C10orf90: variants seen among roughly 807,000 people sequenced by gnomAD.
C10orf90 encodes the protein (E2-independent) E3 ubiquitin-conjugating enzyme FATS.
Under a neutral mutation model 62.5 loss-of-function variants are expected in C10orf90, and 56 were observed. The observed-to-expected ratio is 0.90, with a 90% confidence interval of 0.72 to 1.12. The LOEUF is 1.12. C10orf90 is among the 50% of genes most tolerant of loss of function. The pLI, the probability that C10orf90 is intolerant of heterozygous loss-of-function variation, is 0.00. For missense variants in C10orf90, 970 were observed against 880.4 expected (o/e 1.10, Z -1.29); for synonymous variants, 386 against 340.4 (o/e 1.13, Z -1.47).
At chr10:126,442,171 C>A (rs1858374094) in intron 7 of C10orf90, among the ~76,000 whole-genome samples, 2 of 151,780 alleles carry the variant, frequency 1.3e-5, no homozygotes, top group African/African-American at 4.8e-5. Flanking sequence ...TCACCTAAGA[C>A]ATAAGGACTC....
chr10:126,557,491 A>T (rs1470924354), intron 2 of C10orf90, among the ~76,000 whole-genome samples: 1 of 150,886 alleles, frequency 6.6e-6, no homozygotes, highest in Non-Finnish European at 1.5e-5. Context: ...AAAAAAAAAA[A>T]AAAAGTTACC....
In C10orf90 at chr10:126,425,752, G is replaced by T; in HGVS notation, c.*112C>A. On this transcript the variant is annotated 3_prime_UTR_variant, in exon 10 of 10. Transcript: ENST00000488181. ...TTTTCCTTTATGGAAAAAAAAAATCGAAAGTAAAATAAGTGTTTTCCCATG... is the reference window on the plus strand; with the variant it reads ...TTTTCCTTTATGGAAAAAAAAAATCTAAAGTAAAATAAGTGTTTTCCCATG... 2 of 1,151,104 alleles carry T rather than the reference G, an allele frequency of 1.7e-6. No homozygotes were observed. The highest frequency in any genetic ancestry group is 2.4e-6 in the Non-Finnish European group (2 of 828,132). The allele number at this position is 1,151,104 out of a possible 1,614,324, so 71.3% of individuals were successfully genotyped here.
intron 1 of C10orf90, among the ~76,000 whole-genome samples, chr10:126,656,245 A>G (rs1175676269): frequency 6.6e-6 from 1 of 152,198 alleles, no homozygotes; most frequent in East Asian, 1.9e-4. Context: ...AGGCAAAGAA[A>G]TGTTATTCTT....
At chr10:126,647,720 T>C (rs1265937960) in intron 1 of C10orf90, among the ~76,000 whole-genome samples, 1 of 152,268 alleles carries the variant, frequency 6.6e-6, no homozygotes, top group Non-Finnish European at 1.5e-5. Context: ...CTGAAAATTA[T>C]TGAGACTTCA....
At chr10:126,583,922 C>G (rs1332971058) in intron 2 of C10orf90, among the ~76,000 whole-genome samples, 1 of 152,032 alleles carries the variant, frequency 6.6e-6, no homozygotes, top group Non-Finnish European at 1.5e-5. Flanking sequence ...CTGAGACTAG[C>G]CTTGGTGATG....
chr10:126,640,470 C>T (rs1198795766), intron 2 of C10orf90, among the ~76,000 whole-genome samples: 2 of 152,138 alleles, frequency 1.3e-5, no homozygotes, highest in Non-Finnish European at 2.9e-5. Context: ...AACCACTTCT[C>T]CCTGCTGATC....
At chr10:126,439,698 C>T (rs774925414) in intron 7 of C10orf90, among the ~76,000 whole-genome samples, 56 of 152,056 alleles carry the variant, frequency 3.7e-4, no homozygotes, top group Admixed American at 8.5e-4. Context: ...AAGGCATTAA[C>T]AGACAAATTA....
intron 2 of C10orf90, among the ~76,000 whole-genome samples, chr10:126,624,919 A>G (rs1845713277): frequency 6.6e-6 from 1 of 152,208 alleles, no homozygotes. Flanking sequence ...CCAGCAGCCA[A>G]AGATGGACGA....
At position 126,504,049 on chromosome 10, in the gene C10orf90, C is replaced by A. The variant is rs533904646; in HGVS notation, c.1442G>T (p.Arg481Ile). The A allele has an allele frequency of 2.5e-6, 4 of 1,614,122 alleles. No individual in the cohort carries two copies. In the African/African-American group the frequency reaches 5.3e-5, roughly 22 times the overall value. ...AGTTGTATGGTCCTTTTCCCCTTTT[C>A]TTACAGTGACTTGGTTAGCTCCCAC... ...ANVGANQVTVRKGEKDHTTHC... is the reference protein window; with the variant it reads ...ANVGANQVTVIKGEKDHTTHC... The change falls in exon 4 of 10, where the codon AGA (arginine) becomes ATA (isoleucine). Residue 481 changes from arginine to isoleucine, a missense_variant. Physicochemically the swap from Arg to Ile is moderately conservative, Grantham distance 97. Transcript: ENST00000488181. The surrounding 1 kb of genome is among the most constrained non-coding windows in gnomAD (Gnocchi z 4.1).
At chr10:126,461,258 G>C (rs1859954154) in intron 6 of C10orf90, 143 bp downstream of exon 6, 1 of 887,046 alleles carries the variant, frequency 1.1e-6, no homozygotes, top group African/African-American at 1.7e-5. Context: ...GAAAGCTTAG[G>C]GGACCTGCCC....
intron 2 of C10orf90, among the ~76,000 whole-genome samples, chr10:126,552,468 G>C (rs1477531996): frequency 6.6e-6 from 1 of 152,160 alleles, no homozygotes; most frequent in African/African-American, 2.4e-5. Context: ...AATGCAAATG[G>C]GCATTCAAGA....
intron 1 of C10orf90, among the ~76,000 whole-genome samples, chr10:126,651,315 T>C (rs1846286468): frequency 6.6e-6 from 1 of 152,202 alleles, no homozygotes; most frequent in African/African-American, 2.4e-5. Context: ...AGCAAACTAC[T>C]CTGACAGCAA....
intron 2 of C10orf90, among the ~76,000 whole-genome samples, chr10:126,596,012 A>G (rs947389066): frequency 6.6e-6 from 1 of 152,224 alleles, no homozygotes; most frequent in African/African-American, 2.4e-5. Context: ...AACTTATAGA[A>G]TAAAACACAG....
intron 2 of C10orf90, among the ~76,000 whole-genome samples, chr10:126,554,140 C>T (rs982495391): frequency 4.6e-5 from 7 of 151,900 alleles, no homozygotes; most frequent in African/African-American, 1.2e-4. Flanking sequence ...TGTCCACCAA[C>T]GGTGGAACAG....
At chr10:126,494,914 A>C (rs760253859) in intron 4 of C10orf90, among the ~76,000 whole-genome samples, 37 of 152,226 alleles carry the variant, frequency 2.4e-4, no homozygotes, top group Admixed American at 4.6e-4. Context: ...AGGCCCTCAT[A>C]GGGACCTTAA....
intron 2 of C10orf90, among the ~76,000 whole-genome samples, chr10:126,571,398 G>T (rs957930368): frequency 6.6e-6 from 1 of 152,180 alleles, no homozygotes; most frequent in Admixed American, 6.5e-5. Context: ...CAGCGCAGTT[G>T]GGAACCTGCA....
intron 2 of C10orf90, among the ~76,000 whole-genome samples, chr10:126,624,027 G>T (rs905835148): frequency 1.3e-5 from 2 of 152,108 alleles, no homozygotes; most frequent in African/African-American, 4.8e-5. Flanking sequence ...GAGGAACTTT[G>T]CTGGTCAACT....
intron 4 of C10orf90, among the ~76,000 whole-genome samples, chr10:126,468,417 G>A (rs1360360267): frequency 1.3e-5 from 2 of 152,216 alleles, no homozygotes; most frequent in African/African-American, 4.8e-5. Flanking sequence ...TTAGATAAAA[G>A]CTTCCAGAGG....
At chr10:126,472,350 G>A (rs1018481452) in intron 4 of C10orf90, among the ~76,000 whole-genome samples, 1 of 152,048 alleles carries the variant, frequency 6.6e-6, no homozygotes, top group Admixed American at 6.6e-5. Context: ...AAATGCTCAC[G>A]GTATTTGTCT....
Sources: gnomAD v4.1 joint callset for allele counts (sites outside exome capture counted in the v4.1 genomes callset) on GRCh38, gnomAD v4.1.1 for gene constraint, Gnocchi (gnomAD v3.1) non-coding constraint, MANE v1.5 for transcripts, NCBI Gene and HGNC (gene_info 2026-07-23, HGNC 2026-07-21) for gene names.